DUSP16: variants seen among roughly 807,000 people sequenced by gnomAD.
DUSP16 encodes the protein dual specificity phosphatase 16.
In DUSP16, 21 loss-of-function variants were observed where a neutral mutation model predicts 58.3. The observed-to-expected ratio is 0.36, with a 90% confidence interval of 0.26 to 0.52. DUSP16 has a LOEUF of 0.52. DUSP16 is among the 20% of genes least tolerant of loss of function. DUSP16 has a pLI of 0.94. For missense variants in DUSP16, 726 were observed against 819.0 expected (o/e 0.89, Z 1.39); for synonymous variants, 320 against 323.8 (o/e 0.99, Z 0.12).
Position 12,562,636 on chromosome 12 carries a change from T to A in DUSP16, c.-885A>T, listed in dbSNP as rs1024951333. ...GAAACTTCAAGCGCGGATGAGGTCA[T>A]TGGTTTAAAAATAAAGAGATGGCGT... On this transcript the variant is annotated 5_prime_UTR_variant, in exon 1 of 7. An upstream start codon of the reference 5' UTR is lost. Transcript: ENST00000298573. Among the ~76,000 whole-genome samples the A allele has an allele frequency of 6.6e-6, 1 of 151,890 alleles. No individual in the cohort carries two copies. Among genetic ancestry groups the A allele is most frequent in the Non-Finnish European group, 1.5e-5 (1 of 67,902 alleles).
At chr12:12,492,499 T>C (rs554895255) in intron 4 of DUSP16, among the ~76,000 whole-genome samples, 6 of 152,286 alleles carry the variant, frequency 3.9e-5, no homozygotes, top group African/African-American at 1.4e-4. Context: ...CTCAAGAACA[T>C]AGCTTTGTGA....
rs368278728 is a variant in DUSP16 at position 12,480,784 on chromosome 12, T to C, written c.692-438A>G. 2.2e-4 allele frequency among the ~76,000 whole-genome samples: 34 copies of C among 152,342 alleles called. No homozygotes were observed. The East Asian group carries it at 3.5e-3, about 16-fold the overall frequency. Reference sequence around the variant, plus strand: ...CTGTCGCCCAGGCTGGAGTGCACGATGTCGGCTCATTGCAATCTCCGCCTC... The same window carrying C: ...CTGTCGCCCAGGCTGGAGTGCACGACGTCGGCTCATTGCAATCTCCGCCTC... On this transcript the variant is annotated intron_variant, in intron 5 of 6. Transcript: ENST00000298573.
intron 4 of DUSP16, among the ~76,000 whole-genome samples, chr12:12,491,892 G>A (rs1409465427): frequency 6.6e-6 from 1 of 152,128 alleles, no homozygotes; most frequent in Non-Finnish European, 1.5e-5. Flanking sequence ...ACCCCTGCAG[G>A]AGGACCTACA....
chr12:12,499,496 T>A (rs867158928), intron 4 of DUSP16, among the ~76,000 whole-genome samples: 2 of 151,022 alleles, frequency 1.3e-5, no homozygotes, highest in African/African-American at 4.9e-5. Context: ...ATACACACAC[T>A]CACAAAAGAA....
At chr12:12,513,969 C>T (rs1278904669) in intron 3 of DUSP16, among the ~76,000 whole-genome samples, 1 of 152,096 alleles carries the variant, frequency 6.6e-6, no homozygotes, top group African/African-American at 2.4e-5. Context: ...TAGTTTTCTG[C>T]AGGTTGTTGA....
chr12:12,529,476 A>G (rs1177476399), intron 1 of DUSP16, among the ~76,000 whole-genome samples: 1 of 152,218 alleles, frequency 6.6e-6, no homozygotes, highest in Non-Finnish European at 1.5e-5. Flanking sequence ...TCTGAAGTAG[A>G]TATACACTGT....
chr12:12,483,684 A>C (rs1943620337), intron 5 of DUSP16, among the ~76,000 whole-genome samples: 1 of 152,110 alleles, frequency 6.6e-6, no homozygotes, highest in Admixed American at 6.5e-5. Context: ...AGGAAGCAAG[A>C]GGCTGTATAT....
rs539035162 is a variant in DUSP16 at position 12,493,621 on chromosome 12, C to T, written c.532-6434G>A. 3.3e-5 allele frequency among the ~76,000 whole-genome samples: 5 copies of T among 152,308 alleles called. No individual in the cohort carries two copies. In the South Asian group the frequency reaches 1.0e-3, roughly 32 times the overall value. ...CTGACGACACTCTCCCATGCTCACT[C>T]TGCTCCAGCCACACTGGCCTCGCTC... is the stretch of plus-strand genomic sequence containing the variant. On this transcript the variant is annotated intron_variant, in intron 4 of 6. Coordinates refer to ENST00000298573, the MANE Select transcript of DUSP16 (RefSeq NM_030640.3).
At position 12,519,967 on chromosome 12, in the gene DUSP16, A is replaced by G; in HGVS notation, c.262T>C (p.Tyr88His). Residue 88 changes from tyrosine to histidine, a missense_variant, in exon 3 of 7, where the codon TAC (tyrosine) becomes CAC (histidine). Tyr to His is a moderately conservative substitution (Grantham distance 83). Coordinates refer to ENST00000298573, the MANE Select transcript of DUSP16 (RefSeq NM_030640.3). ...DIDCSQKVVV[Y>H]DQSSQDVASL... ...GCAACATCTTGGGAGCTTTGATCGTAAACTACAACCTTCTGACTGCAATCA... is the reference window on the plus strand; with the variant it reads ...GCAACATCTTGGGAGCTTTGATCGTGAACTACAACCTTCTGACTGCAATCA... 6.2e-7 allele frequency: 1 copy of G among 1,614,164 alleles called. No individual in the cohort carries two copies. Among genetic ancestry groups the G allele is most frequent in the Non-Finnish European group, 8.5e-7 (1 of 1,180,006 alleles).
At chr12:12,539,804 A>G (rs1204091331) in intron 1 of DUSP16, among the ~76,000 whole-genome samples, 1 of 151,354 alleles carries the variant, frequency 6.6e-6, no homozygotes, top group East Asian at 1.9e-4. Context: ...CAATCCCAGC[A>G]CTTTGGGAGG....
chr12:12,532,779 C>T (rs1944409649), intron 1 of DUSP16, among the ~76,000 whole-genome samples: 1 of 152,094 alleles, frequency 6.6e-6, no homozygotes, highest in Non-Finnish European at 1.5e-5. Flanking sequence ...GAAACCCCAT[C>T]TCTACTAAAA....
intron 5 of DUSP16, among the ~76,000 whole-genome samples, chr12:12,484,088 C>T (rs1943631124): frequency 6.6e-6 from 1 of 151,852 alleles, no homozygotes; most frequent in African/African-American, 2.4e-5. Context: ...TGTGGGTTAT[C>T]ATTCTTGTGT....
At position 12,521,099 on chromosome 12, in the gene DUSP16, G is replaced by A. The variant is rs201928459; in HGVS notation, c.-1C>T. 1.6e-4 allele frequency: 253 copies of A among 1,613,916 alleles called. 4 individuals carry two copies. In the South Asian group the frequency reaches 2.0e-3, roughly 13 times the overall value. Reference sequence around the variant, plus strand: ...GAGTTCCAATCATCTCATGGGCCATGACAACAATAAGTCCTCTTTTCCCAC... The same window carrying A: ...GAGTTCCAATCATCTCATGGGCCATAACAACAATAAGTCCTCTTTTCCCAC... On this transcript the variant is annotated 5_prime_UTR_variant, in exon 2 of 7. Coordinates refer to ENST00000298573, the MANE Select transcript of DUSP16 (RefSeq NM_030640.3).
Position 12,477,028 on chromosome 12 carries a change from C to G in DUSP16, c.1803G>C (p.Gln601His), listed in dbSNP as rs763563338. Residue 601 changes from glutamine to histidine, a missense_variant, in exon 7 of 7, where the codon CAG becomes CAC. Coordinates refer to ENST00000298573, the MANE Select transcript of DUSP16 (RefSeq NM_030640.3). This position sits in a 1 kb window ranked among gnomAD's most constrained non-coding sequence, Gnocchi z 4.1. ...GDQVYSVRRRQKPSDRADSRR... is the reference protein window; with the variant it reads ...GDQVYSVRRRHKPSDRADSRR... Reference sequence around the variant, plus strand: ...GCGAGTCAGCTCTGTCACTTGGCTTCTGCCGCCTGCGCACAGAATAGACTT... The same window carrying G: ...GCGAGTCAGCTCTGTCACTTGGCTTGTGCCGCCTGCGCACAGAATAGACTT... 6.2e-7 allele frequency: 1 copy of G among 1,614,292 alleles called. No homozygotes were observed. Among genetic ancestry groups the G allele is most frequent in the Non-Finnish European group, 8.5e-7 (1 of 1,180,052 alleles).
At chr12:12,495,236 C>CAAAAAA (rs10555943) in intron 4 of DUSP16, among the ~76,000 whole-genome samples, 4 of 98,944 alleles carry the variant, frequency 4.0e-5, no homozygotes, top group African/African-American at 4.0e-5. Context: ...AAAGCCATTA[C>CAAAAAA]AAAAAAAAAA....
At chr12:12,478,077 T>TA in intron 6 of DUSP16, 62 bp from the exon 7 acceptor site, 1 of 1,326,058 alleles carries the variant, frequency 7.5e-7, no homozygotes, top group Non-Finnish European at 1.0e-6. Flanking sequence ...TTAAGAATAT[T>TA]AAGTGAATAA....
chr12:12,560,110 C>T (rs753885782), intron 1 of DUSP16, among the ~76,000 whole-genome samples: 1 of 152,092 alleles, frequency 6.6e-6, no homozygotes, highest in South Asian at 2.1e-4. Context: ...AGGAGCAAAA[C>T]TGGATAATTC....
At chr12:12,540,943 TC>T (rs1944545901) in intron 1 of DUSP16, among the ~76,000 whole-genome samples, 63 of 100,128 alleles carry the variant, frequency 6.3e-4, no homozygotes, top group African/African-American at 1.9e-3. Flanking sequence ...TCTTTTCTTT[TC>T]TTTTCTTTTT....
chr12:12,522,115 T>A (rs1461506191), intron 1 of DUSP16, among the ~76,000 whole-genome samples: 1 of 152,176 alleles, frequency 6.6e-6, no homozygotes, highest in African/African-American at 2.4e-5. Context: ...ACAACTGATA[T>A]GTTTGTCACA....
Sources: gnomAD v4.1 joint callset for allele counts (sites outside exome capture counted in the v4.1 genomes callset) on GRCh38, gnomAD v4.1.1 for gene constraint, Gnocchi (gnomAD v3.1) non-coding constraint, MANE v1.5 for transcripts, NCBI Gene and HGNC (gene_info 2026-07-23, HGNC 2026-07-21) for gene names.